CCDC3: variants seen among roughly 807,000 people sequenced by gnomAD.
CCDC3 encodes the protein coiled-coil domain containing 3.
Under a neutral mutation model 21.4 loss-of-function variants are expected in CCDC3, and 24 were observed. That is an observed-to-expected ratio of 1.12 (90% CI 0.81 to 1.58). The LOEUF (loss-of-function observed/expected upper bound fraction) is 1.58. Among genes scored for constraint, CCDC3 ranks in the 40% most tolerant of loss-of-function variants. The pLI is 0.00. For missense variants in CCDC3, 425 were observed against 360.9 expected (o/e 1.18, Z -1.44); for synonymous variants, 186 against 166.0 (o/e 1.12, Z -0.93).
At chr10:12,961,138 TG>T (rs907049549) in intron 2 of CCDC3, among the ~76,000 whole-genome samples, 5 of 152,176 alleles carry the variant, frequency 3.3e-5, no homozygotes, top group African/African-American at 1.2e-4. Context: ...GAGCACCGGC[TG>T]GGAATTCCAC....
chr10:13,008,735 C>T (rs1835952232), intron 5 of CCDC3, among the ~76,000 whole-genome samples: 1 of 152,100 alleles, frequency 6.6e-6, no homozygotes, highest in African/African-American at 2.4e-5. Context: ...TATATGCTTA[C>T]AAAAAGAGAA....
In CCDC3 at chr10:12,898,356, C is replaced by T. The variant is rs1185637352; in HGVS notation, c.*60G>A. 1.3e-6 allele frequency: 2 copies of T among 1,489,922 alleles called. No individual in the cohort carries two copies. The highest frequency in any genetic ancestry group is 1.8e-6 in the Non-Finnish European group (2 of 1,109,054). The allele number at this position is 1,489,922 out of a possible 1,614,324, so 92.3% of individuals were successfully genotyped here. A position where few individuals can be genotyped will look rare whatever the true frequency, so the allele number is the denominator to read the frequency against. ...CTTGAAATAGCTGCATGTACGAAACCTCACTCATTCTCAATTACCGTCAGG... is the reference window on the plus strand; with the variant it reads ...CTTGAAATAGCTGCATGTACGAAACTTCACTCATTCTCAATTACCGTCAGG... On this transcript the variant is annotated 3_prime_UTR_variant, in exon 3 of 3. Coordinates refer to ENST00000378825, the MANE Select transcript of CCDC3 (RefSeq NM_031455.4).
chr10:13,074,740 G>A (rs1201068422), intron 3 of CCDC3, among the ~76,000 whole-genome samples: 1 of 152,038 alleles, frequency 6.6e-6, no homozygotes, highest in Non-Finnish European at 1.5e-5. Context: ...TCCCCGTGCC[G>A]GCTGCAAGTC....
Position 12,905,120 on chromosome 10 carries a change from T to C in CCDC3, c.550-6441A>G, listed in dbSNP as rs545282220. On this transcript the variant is annotated intron_variant, in intron 2 of 2. Coordinates refer to ENST00000378825, the MANE Select transcript of CCDC3 (RefSeq NM_031455.4). ...GTCCAAAAGCAACAACACAGACAAA[T>C]AGCTTGCTTTTTTAACACTTTGTTC... Among the ~76,000 whole-genome samples, 4 of 151,990 alleles carry C rather than the reference T, an allele frequency of 2.6e-5. No individual in the cohort carries two copies. In the East Asian group the frequency reaches 5.8e-4, roughly 22 times the overall value.
intron 5 of CCDC3, among the ~76,000 whole-genome samples, chr10:13,048,599 T>C (rs1836563359): frequency 6.6e-6 from 1 of 152,134 alleles, no homozygotes; most frequent in South Asian, 2.1e-4. Flanking sequence ...AGATGGAGAC[T>C]CTCATATAAT....
chr10:12,983,240 A>G (rs565025950), intron 2 of CCDC3, among the ~76,000 whole-genome samples: 1 of 149,646 alleles, frequency 6.7e-6, no homozygotes, highest in East Asian at 2.0e-4. Context: ...GTAGCTTAAC[A>G]GTTGTGTCTC....
intron 2 of CCDC3, among the ~76,000 whole-genome samples, chr10:12,946,712 C>A (rs985577772): frequency 6.6e-6 from 1 of 152,152 alleles, no homozygotes; most frequent in Non-Finnish European, 1.5e-5. Flanking sequence ...TTTCACCATG[C>A]CCTAAGACTC....
At chr10:12,944,285 C>G (rs1044706902) in intron 2 of CCDC3, among the ~76,000 whole-genome samples, 1 of 152,314 alleles carries the variant, frequency 6.6e-6, no homozygotes, top group South Asian at 2.1e-4. Context: ...TCCATTCTCT[C>G]TGACGCCTGC....
At chr10:13,042,384 A>G (rs536335888) in intron 5 of CCDC3, among the ~76,000 whole-genome samples, 5 of 152,352 alleles carry the variant, frequency 3.3e-5, no homozygotes, top group Admixed American at 6.5e-5. Context: ...GAGTCAGGGA[A>G]TGAGGGGCGG....
chr10:13,095,819 G>C (rs1407972732), intron 3 of CCDC3, among the ~76,000 whole-genome samples: 1 of 152,122 alleles, frequency 6.6e-6, no homozygotes, highest in Admixed American at 6.5e-5. Context: ...ATGATTCATG[G>C]CTTTCAATTA....
chr10:12,921,415 C>G (rs1834448085), intron 2 of CCDC3, among the ~76,000 whole-genome samples: 1 of 152,194 alleles, frequency 6.6e-6, no homozygotes, highest in Non-Finnish European at 1.5e-5. Context: ...ACTTCAGCAG[C>G]CAACCCCCTC....
At chr10:12,969,771 TA>T (rs956266356) in intron 2 of CCDC3, among the ~76,000 whole-genome samples, 255 of 146,602 alleles carry the variant, frequency 1.7e-3, no homozygotes, top group African/African-American at 5.7e-3. Context: ...TATTCATTCT[TA>T]AAAAAAAAAG....
chr10:13,034,525 T>TAAA (rs34324335), intron 5 of CCDC3, among the ~76,000 whole-genome samples: 1 of 142,740 alleles, frequency 7.0e-6, no homozygotes, highest in Admixed American at 7.0e-5. Context: ...GCCTAGATCT[T>TAAA]AAAAAAAAAA....
At chr10:13,091,752 CT>C (rs1247979058) in intron 3 of CCDC3, among the ~76,000 whole-genome samples, 79 of 149,228 alleles carry the variant, frequency 5.3e-4, no homozygotes, top group South Asian at 1.7e-3. Flanking sequence ...AATACATAAC[CT>C]TTTTTTGTAG....
chr10:13,093,181 A>C (rs1832596036), intron 3 of CCDC3, among the ~76,000 whole-genome samples: 1 of 152,168 alleles, frequency 6.6e-6, no homozygotes, highest in South Asian at 2.1e-4. Flanking sequence ...AAAGAGGTTT[A>C]ATGGACTCAC....
At chr10:12,993,967 A>T (rs943826857) in intron 2 of CCDC3, among the ~76,000 whole-genome samples, 1 of 152,152 alleles carries the variant, frequency 6.6e-6, no homozygotes, top group African/African-American at 2.4e-5. Context: ...CTACCCTCCA[A>T]ATCGACCCTA....
At chr10:13,084,750 A>C (rs1365577753) in intron 3 of CCDC3, among the ~76,000 whole-genome samples, 1 of 152,154 alleles carries the variant, frequency 6.6e-6, no homozygotes, top group African/African-American at 2.4e-5. Flanking sequence ...AGTTGCCAGC[A>C]ATCAGTGGAT....
At chr10:13,015,745 C>T (rs1024606232) in intron 5 of CCDC3, among the ~76,000 whole-genome samples, 4 of 151,934 alleles carry the variant, frequency 2.6e-5, no homozygotes, top group Non-Finnish European at 4.4e-5. Flanking sequence ...CTGCCCATCC[C>T]GATGAACCCC....
At chr10:12,984,949 G>A (rs11818193) in intron 2 of CCDC3, among the ~76,000 whole-genome samples, 4,560 of 152,192 alleles carry the variant, frequency 0.03, 237 homozygotes, top group African/African-American at 0.11. Context: ...TTTCTTTTGG[G>A]GGTTATAAAA....
Sources: gnomAD v4.1 joint callset for allele counts (sites outside exome capture counted in the v4.1 genomes callset) on GRCh38, gnomAD v4.1.1 for gene constraint, MANE v1.5 for transcripts, NCBI Gene and HGNC (gene_info 2026-07-23, HGNC 2026-07-21) for gene names.